Variants in CSGALNACT2 observed in about 807,000 individuals in gnomAD.
CSGALNACT2 encodes chondroitin sulfate N-acetylgalactosaminyltransferase 2.
CSGALNACT2 carries 35 observed loss-of-function variants against 55.3 expected under a neutral mutation model. The ratio of observed to expected loss-of-function variants is 0.63; its 90% CI spans 0.48 to 0.84. The LOEUF is 0.84. CSGALNACT2 is among the 40% of genes least tolerant of loss of function. The pLI is 0.00. For missense variants in CSGALNACT2, 544 were observed against 657.5 expected (o/e 0.83, Z 1.89); for synonymous variants, 196 against 224.9 (o/e 0.87, Z 1.15).
chr10:43,182,829 C>T (rs1447394131), intron 7 of CSGALNACT2, among the ~76,000 whole-genome samples: 2 of 149,684 alleles, frequency 1.3e-5, no homozygotes, highest in African/African-American at 4.9e-5. Context: ...GAGCCATGAT[C>T]ACACCACTGC....
chr10:43,140,332 A>T (rs1319663603), intron 1 of CSGALNACT2, among the ~76,000 whole-genome samples: 3 of 152,194 alleles, frequency 2.0e-5, no homozygotes, highest in Non-Finnish European at 4.4e-5. Context: ...ACCATTACCA[A>T]CCAAAGGCAG....
At chr10:43,148,429 T>C (rs1012484563) in intron 1 of CSGALNACT2, among the ~76,000 whole-genome samples, 2 of 152,214 alleles carry the variant, frequency 1.3e-5, no homozygotes, top group African/African-American at 2.4e-5. Context: ...CTGCAAGAAG[T>C]CCACTGGGAT....
chr10:43,163,766 A>G lies in CSGALNACT2; in HGVS notation c.981-100A>G. ...GTGAATGTAGAACCAATATAATCAA[A>G]TATTTGAAGTGTAAAACATATTTTG... On this transcript the variant is annotated intron_variant, in intron 4 of 7. Coordinates refer to ENST00000374466, the MANE Select transcript of CSGALNACT2 (RefSeq NM_018590.5). The G allele has an allele frequency of 3.6e-6, 5 of 1,402,070 alleles. No homozygotes were observed. The South Asian group carries it at 6.9e-5, about 19-fold the overall frequency. 86.9% of individuals were successfully genotyped at this position (1,402,070 alleles called of 1,614,324 possible). A position where few individuals can be genotyped will look rare whatever the true frequency, so the allele number is the denominator to read the frequency against.
rs1472129318 is a variant in CSGALNACT2, at chr10:43,155,253, C to T, written c.104C>T (p.Ala35Val). ...LVLFMYLLEC[A>V]PQTDGNASLP... ...TTATTTATGTACCTCCTGGAATGTG[C>T]CCCCCAGACTGATGGAAATGCATCT... The change falls in exon 2 of 8, where the codon GCC (alanine) becomes GTC (valine). Residue 35 changes from alanine (A) to valine (V), a missense_variant. Physicochemically the swap from Ala to Val is moderately conservative, Grantham distance 64. Around this residue, in one of 2 missense-constraint regions of CSGALNACT2, gnomAD observed 374 missense variants for 401.3 expected, o/e 0.93. Coordinates refer to ENST00000374466, the MANE Select transcript of CSGALNACT2 (RefSeq NM_018590.5). 6.2e-7 allele frequency: 1 copy of T among 1,613,828 alleles called. No individual in the cohort carries two copies. The highest frequency in any genetic ancestry group is 8.5e-7 in the Non-Finnish European group (1 of 1,179,948).
At chr10:43,179,546 G>C (rs949014928) in intron 7 of CSGALNACT2, among the ~76,000 whole-genome samples, 1 of 152,090 alleles carries the variant, frequency 6.6e-6, no homozygotes, top group African/African-American at 2.4e-5. Flanking sequence ...ATTTAGCAGG[G>C]CTCTCTTTAT....
Position 43,183,446 on chromosome 10 carries a change from C to T in CSGALNACT2, c.1533C>T (p.Ala511=), listed in dbSNP as rs751515322. 4.3e-6 allele frequency: 7 copies of T among 1,614,070 alleles called. No individual in the cohort carries two copies. Among genetic ancestry groups the T allele is most frequent in the Non-Finnish European group, 5.9e-6 (7 of 1,179,956 alleles). ...MCIQSKAMNE[A]SHSHLGMLVF... is the part of the protein sequence containing the mutation. ...TCCAGTCTAAAGCCATGAATGAGGC[C>T]TCTCACTCCCACCTGGGAATGCTGG... Residue 511 remains alanine (A), a synonymous_variant, in exon 8 of 8, where the codon GCC becomes GCT. Coordinates refer to ENST00000374466, the MANE Select transcript of CSGALNACT2 (RefSeq NM_018590.5).
At chr10:43,153,697 C>G (rs185095190) in intron 1 of CSGALNACT2, among the ~76,000 whole-genome samples, 7 of 152,290 alleles carry the variant, frequency 4.6e-5, no homozygotes, top group African/African-American at 1.7e-4. Context: ...TGGAAGTTCT[C>G]TTTGCAGTGG....
chr10:43,163,044 C>T (rs2133127565), intron 4 of CSGALNACT2: 1 of 985,220 alleles, frequency 1.0e-6, no homozygotes, highest in Non-Finnish European at 1.2e-6. Context: ...TCCTTTTCTA[C>T]CAATCTGATT....
intron 1 of CSGALNACT2, among the ~76,000 whole-genome samples, chr10:43,147,782 C>CTTT (rs372639057): frequency 1.8e-5 from 2 of 108,116 alleles, no homozygotes; most frequent in Non-Finnish European, 1.9e-5. Flanking sequence ...GTCGAGTTAT[C>CTTT]TTTTTTTTTT....
intron 4 of CSGALNACT2, 65 bp downstream of exon 4, chr10:43,160,660 A>G (rs535672158): frequency 1.2e-5 from 9 of 773,472 alleles, no homozygotes; most frequent in Non-Finnish European, 2.1e-5. Context: ...AATTTCAGAT[A>G]TGTAATGAGT....
chr10:43,153,324 G>A (rs1241512039), intron 1 of CSGALNACT2, among the ~76,000 whole-genome samples: 3 of 25,954 alleles, frequency 1.2e-4, no homozygotes, highest in South Asian at 8.6e-4. Flanking sequence ...GACAGAGCAA[G>A]ACTCTGTCTC....
chr10:43,153,230 G>C (rs1838917150), intron 1 of CSGALNACT2, among the ~76,000 whole-genome samples: 1 of 150,982 alleles, frequency 6.6e-6, no homozygotes, highest in Non-Finnish European at 1.5e-5. Flanking sequence ...AGCTACTCGG[G>C]AGGCTGAGGC....
At chr10:43,182,291 C>T (rs1213138999) in intron 7 of CSGALNACT2, among the ~76,000 whole-genome samples, 4 of 152,144 alleles carry the variant, frequency 2.6e-5, no homozygotes, top group African/African-American at 7.2e-5. Context: ...ACTTTCTTCA[C>T]GTGGCTACTA....
Position 43,155,013 on chromosome 10 carries a change from G to A in CSGALNACT2, c.-137G>A. Reference sequence around the variant, plus strand: ...ATTTCTGCAAGTAGTCATGACTGCTGAAGAAAGAAAAACTTAAAGCTACGG... The same window carrying A: ...ATTTCTGCAAGTAGTCATGACTGCTAAAGAAAGAAAAACTTAAAGCTACGG... On this transcript the variant is annotated 5_prime_UTR_variant, in exon 2 of 8. Coordinates refer to ENST00000374466, the MANE Select transcript of CSGALNACT2 (RefSeq NM_018590.5). 1 of 719,758 alleles carries A rather than the reference G, an allele frequency of 1.4e-6. No individual in the cohort carries two copies. The highest frequency in any genetic ancestry group is 2.3e-6 in the Non-Finnish European group (1 of 435,866). 44.6% of individuals were successfully genotyped at this position (719,758 alleles called of 1,614,324 possible).
At chr10:43,142,342 G>C (rs892560671) in intron 1 of CSGALNACT2, among the ~76,000 whole-genome samples, 1 of 152,060 alleles carries the variant, frequency 6.6e-6, no homozygotes, top group African/African-American at 2.4e-5. Flanking sequence ...TTCCTGAGTA[G>C]CTGGGATTAC....
At chr10:43,172,039 T>C (rs1275887474) in intron 6 of CSGALNACT2, among the ~76,000 whole-genome samples, 1 of 152,242 alleles carries the variant, frequency 6.6e-6, no homozygotes, top group Non-Finnish European at 1.5e-5. Flanking sequence ...TGGGAGCTCC[T>C]CCGTCGCTTC....
intron 1 of CSGALNACT2, among the ~76,000 whole-genome samples, chr10:43,152,684 TTAA>T (rs1221168885): frequency 6.6e-6 from 1 of 152,224 alleles, no homozygotes; most frequent in Non-Finnish European, 1.5e-5. Flanking sequence ...AGGTACCATA[TTAA>T]TAAAAGATAG....
chr10:43,141,243 A>G (rs1455266495), intron 1 of CSGALNACT2, among the ~76,000 whole-genome samples: 1 of 151,026 alleles, frequency 6.6e-6, no homozygotes, highest in Non-Finnish European at 1.5e-5. Flanking sequence ...TTTGAGACGG[A>G]GTCTGGCTCT....
At chr10:43,145,374 T>C (rs113920611) in intron 1 of CSGALNACT2, among the ~76,000 whole-genome samples, 1,749 of 151,592 alleles carry the variant, frequency 0.012, 29 homozygotes, top group African/African-American at 0.04. Context: ...AGTTAGTTGA[T>C]GGCTTCTAAT....
Sources: allele counts gnomAD v4.1 joint callset (sites outside exome capture counted in the v4.1 genomes callset), GRCh38; gene constraint gnomAD v4.1.1; regional missense constraint gnomAD v4.1.1; transcripts MANE v1.5; gene names NCBI Gene and HGNC (gene_info 2026-07-23, HGNC 2026-07-21).